CSMD1: variants seen among roughly 807,000 people sequenced by gnomAD.
CSMD1 encodes CUB and Sushi multiple domains 1.
A neutral mutation model predicts 417.5 loss-of-function variants in CSMD1; 213 were observed. The observed-to-expected ratio is 0.51, with a 90% CI of 0.46 to 0.57. The LOEUF (loss-of-function observed/expected upper bound fraction) is 0.57, where lower values mean the gene tolerates loss of function less well. CSMD1 is among the 20% of genes least tolerant of loss of function. The pLI, the probability that CSMD1 is intolerant of heterozygous loss-of-function variation, is 0.00. For synonymous variants in CSMD1, 2,862 were observed against 1,736.8 expected (o/e 1.65, Z -16.11); for missense variants, 6,923 against 4,529.7 (o/e 1.53, Z -15.17).
At chr8:4,855,561 C>G (rs183119923) in intron 1 of CSMD1, among the ~76,000 whole-genome samples, 6 of 152,176 alleles carry the variant, frequency 3.9e-5, no homozygotes, top group African/African-American at 9.6e-5. Context: ...ATACCAAGAA[C>G]TGCTTAAAGG....
intron 37 of CSMD1, among the ~76,000 whole-genome samples, chr8:3,174,208 C>T (rs1370050014): frequency 2.0e-5 from 3 of 152,174 alleles, no homozygotes; most frequent in Admixed American, 6.5e-5. Context: ...GAAATTGAGA[C>T]AGAGTCCAGG....
chr8:3,729,582 A>G (rs1319198490), intron 6 of CSMD1, among the ~76,000 whole-genome samples: 1 of 152,142 alleles, frequency 6.6e-6, no homozygotes, highest in East Asian at 1.9e-4. Context: ...GTAAGACTTC[A>G]TGACAACCTG....
chr8:4,698,507 A>T (rs1432530419), intron 1 of CSMD1, among the ~76,000 whole-genome samples: 2 of 152,128 alleles, frequency 1.3e-5, no homozygotes, highest in East Asian at 3.9e-4. Flanking sequence ...GGTGTGTGTT[A>T]GGCCTAAAGA....
chr8:4,018,943 T>C (rs1483142971), intron 4 of CSMD1, among the ~76,000 whole-genome samples: 1 of 152,210 alleles, frequency 6.6e-6, no homozygotes, highest in African/African-American at 2.4e-5. Flanking sequence ...ACGTAAGGCA[T>C]GTAAACATTG....
intron 3 of CSMD1, among the ~76,000 whole-genome samples, chr8:4,255,493 T>G (rs1006398248): frequency 2.5e-4 from 38 of 152,226 alleles, no homozygotes; most frequent in Admixed American, 2.6e-4. Context: ...TAGATCTCAT[T>G]TGAAATGTGC....
chr8:3,318,726 C>T (rs1255452836), intron 23 of CSMD1, among the ~76,000 whole-genome samples: 1 of 152,060 alleles, frequency 6.6e-6, no homozygotes, highest in Non-Finnish European at 1.5e-5. Flanking sequence ...CAGGAGTTCC[C>T]TAGCTGGAGT....
chr8:4,487,212 T>G (rs1801461320), intron 2 of CSMD1, among the ~76,000 whole-genome samples: 1 of 152,208 alleles, frequency 6.6e-6, no homozygotes, highest in Non-Finnish European at 1.5e-5. Context: ...AGGGTACATG[T>G]GCACAATGTG....
intron 1 of CSMD1, among the ~76,000 whole-genome samples, chr8:4,701,921 T>C (rs1303782660): frequency 3.9e-5 from 6 of 152,168 alleles, no homozygotes; most frequent in Non-Finnish European, 7.3e-5. Flanking sequence ...TGGAATACTA[T>C]GCAGCCATAA....
chr8:3,969,567 G>C (rs17068274), intron 5 of CSMD1, among the ~76,000 whole-genome samples: 1,822 of 152,226 alleles, frequency 0.012, 34 homozygotes, highest in African/African-American at 0.04. Flanking sequence ...TCAGAAAATA[G>C]GTGACGGCAT....
At chr8:3,990,778 C>T (rs1260612980) in intron 5 of CSMD1, among the ~76,000 whole-genome samples, 1 of 152,066 alleles carries the variant, frequency 6.6e-6, no homozygotes, top group Non-Finnish European at 1.5e-5. Flanking sequence ...CCATCCCTTT[C>T]ATGAGGAAGG....
At chr8:4,073,922 T>C (rs533506662) in intron 3 of CSMD1, among the ~76,000 whole-genome samples, 2 of 152,260 alleles carry the variant, frequency 1.3e-5, no homozygotes, top group Admixed American at 6.5e-5. Context: ...TCTTAATCTA[T>C]ACAGACGGTT....
At chr8:3,999,240 A>T (rs551139175) in intron 4 of CSMD1, among the ~76,000 whole-genome samples, 93 of 151,838 alleles carry the variant, frequency 6.1e-4, no homozygotes, top group Non-Finnish European at 4.4e-5. Context: ...TGCAATGTGG[A>T]TGATATGTAA....
intron 6 of CSMD1, among the ~76,000 whole-genome samples, chr8:3,734,146 G>T (rs1371926478): frequency 6.6e-6 from 1 of 152,130 alleles, no homozygotes; most frequent in East Asian, 1.9e-4. Flanking sequence ...ATTATTTAAG[G>T]ATACTACCAT....
At chr8:4,326,354 C>A (rs1369223773) in intron 3 of CSMD1, among the ~76,000 whole-genome samples, 1 of 152,128 alleles carries the variant, frequency 6.6e-6, no homozygotes, top group Admixed American at 6.6e-5. Context: ...ATGGGGCAAC[C>A]TGACGACGAT....
chr8:3,000,275 T>A (rs1208826659), intron 52 of CSMD1, 144 bp from the exon 53 acceptor site: 4 of 415,228 alleles, frequency 9.6e-6, no homozygotes, highest in African/African-American at 8.2e-5. Context: ...ATGTATACTT[T>A]TAAATATAGT....
chr8:3,463,344 G>A (rs1209530880), intron 12 of CSMD1, among the ~76,000 whole-genome samples: 1 of 152,072 alleles, frequency 6.6e-6, no homozygotes, highest in Non-Finnish European at 1.5e-5. Flanking sequence ...TCAAGCCCTT[G>A]GAAAAAAATG....
Position 3,408,161 on chromosome 8 carries a change from T to C in CSMD1, c.1809A>G (p.Glu603=), listed in dbSNP as rs200038564. The C allele has an allele frequency of 1.0e-3, 1,620 of 1,613,262 alleles. 17 individuals are homozygous for C. In the South Asian group the frequency reaches 0.012, roughly 12 times the overall value. ...AGACACAGTTCATGTTGTTCCCATA[T>C]TCCTCTGGATAATTTGGTGACAGAA... ...GIILSPNYPE[E]YGNNMNCVWL... Residue 603 remains glutamate, a synonymous_variant, in exon 14 of 70, where the codon GAA becomes GAG. Coordinates refer to ENST00000635120, the MANE Select transcript of CSMD1 (RefSeq NM_033225.6).
intron 3 of CSMD1, among the ~76,000 whole-genome samples, chr8:4,147,291 G>A (rs1326560634): frequency 1.3e-5 from 2 of 152,046 alleles, no homozygotes; most frequent in African/African-American, 4.8e-5. Context: ...TCCATACAAA[G>A]TTCCCAGCGG....
intron 4 of CSMD1, among the ~76,000 whole-genome samples, chr8:4,013,010 A>C (rs943634167): frequency 3.9e-5 from 6 of 152,056 alleles, no homozygotes; most frequent in African/African-American, 7.2e-5. Context: ...TTCATTTTGC[A>C]ATGATTTTCT....
Sources: allele counts gnomAD v4.1 joint callset (sites outside exome capture counted in the v4.1 genomes callset), GRCh38; gene constraint gnomAD v4.1.1; transcripts MANE v1.5; gene names NCBI Gene and HGNC (gene_info 2026-07-23, HGNC 2026-07-21).